The following ZFHX3 variants were observed in gnomAD, a reference collection of about 807,000 sequenced individuals.
The protein encoded by ZFHX3 is zinc finger homeobox 3.
In ZFHX3, 42 loss-of-function variants were observed where a neutral mutation model predicts 279.1. The observed-to-expected ratio is 0.15, with a 90% CI of 0.12 to 0.19. The LOEUF (loss-of-function observed/expected upper bound fraction) is 0.19, where lower values mean the gene tolerates loss of function less well. ZFHX3 is among the 10% of genes least tolerant of loss of function. The pLI, the probability that ZFHX3 is intolerant of heterozygous loss-of-function variation, is 1.00. For synonymous variants in ZFHX3, 2,293 were observed against 1,957.8 expected, an observed-to-expected ratio of 1.17 and a Z score of -4.52; for missense variants, 4,981 against 4,754.0, an observed-to-expected ratio of 1.05 and a Z score of -1.40.
chr16:73,864,536 T>G (rs949261202), intron 1 of ZFHX3, among the ~76,000 whole-genome samples: 2 of 152,124 alleles, frequency 1.3e-5, no homozygotes, highest in Admixed American at 6.5e-5. Context: ...CTGGACAACA[T>G]GGTGAAACCC....
chr16:73,654,666 C>T (rs2052704778), intron 2 of ZFHX3, among the ~76,000 whole-genome samples: 1 of 151,662 alleles, frequency 6.6e-6, no homozygotes, highest in Non-Finnish European at 1.5e-5. Context: ...GTAAATTAAA[C>T]ATGAGTAAAT....
At chr16:73,088,682 TA>T (rs1966038394) in intron 8 of ZFHX3, among the ~76,000 whole-genome samples, 1 of 152,092 alleles carries the variant, frequency 6.6e-6, no homozygotes, top group South Asian at 2.1e-4. Context: ...TGGATCCAGG[TA>T]ACTAAATGAG....
chr16:73,638,786 T>C (rs1390857344), intron 2 of ZFHX3, among the ~76,000 whole-genome samples: 2 of 152,298 alleles, frequency 1.3e-5, no homozygotes, highest in African/African-American at 2.4e-5. Flanking sequence ...ATTCAACAAA[T>C]GTTTGTTGAA....
chr16:73,398,472 T>A (rs995989374), intron 3 of ZFHX3, among the ~76,000 whole-genome samples: 3 of 152,222 alleles, frequency 2.0e-5, no homozygotes, highest in Non-Finnish European at 4.4e-5. Flanking sequence ...GGTGCCGGCC[T>A]GCACTGGCTC....
intron 2 of ZFHX3, among the ~76,000 whole-genome samples, chr16:73,616,538 C>T (rs754446249): frequency 3.2e-4 from 48 of 151,606 alleles, no homozygotes; most frequent in Non-Finnish European, 6.3e-4. Context: ...TAACTCACAC[C>T]TCACTAGTGG....
chr16:72,800,076 A>G lies in ZFHX3; in HGVS notation c.3918T>C (p.Val1306=), dbSNP rs752934612. 6.8e-6 allele frequency: 11 copies of G among 1,614,052 alleles called. No individual in the cohort carries two copies. In the Admixed American group the frequency reaches 1.7e-4, roughly 24 times the overall value. ...MPSSMFLPAA[V]PDRDGNSNLE... is the part of the protein sequence containing the mutation. ...AATTGGAATTCCCATCTCGATCTGG[A>G]ACAGCTGCTGGGAGGAACATGCTGC... The change falls in exon 8 of 10, where the codon GTT becomes GTC. Residue 1306 remains valine, a synonymous_variant. Transcript: ENST00000268489.
chr16:73,103,940 T>A (rs1966262031), intron 7 of ZFHX3, among the ~76,000 whole-genome samples: 1 of 152,222 alleles, frequency 6.6e-6, no homozygotes, highest in Admixed American at 6.5e-5. Flanking sequence ...TGACCAAAGT[T>A]CCAAACTAAC....
chr16:73,874,211 C>T (rs2029885992), intron 1 of ZFHX3, among the ~76,000 whole-genome samples: 1 of 152,018 alleles, frequency 6.6e-6, no homozygotes, highest in African/African-American at 2.4e-5. Flanking sequence ...ATATTATATA[C>T]ATACTGTGTG....
chr16:73,738,280 A>C (rs1437827815), intron 1 of ZFHX3, among the ~76,000 whole-genome samples: 1 of 152,194 alleles, frequency 6.6e-6, no homozygotes, highest in East Asian at 1.9e-4. Flanking sequence ...CTAGCTCCCA[A>C]CAACCTTGTG....
intron 3 of ZFHX3, among the ~76,000 whole-genome samples, chr16:73,363,690 G>A (rs780280683): frequency 1.6e-4 from 24 of 152,110 alleles, no homozygotes; most frequent in Non-Finnish European, 2.4e-4. Flanking sequence ...GAATTTTAAA[G>A]CATCTGTGAG....
intron 1 of ZFHX3, among the ~76,000 whole-genome samples, chr16:73,836,612 C>G (rs2142364080): frequency 6.6e-6 from 1 of 152,312 alleles, no homozygotes; most frequent in East Asian, 1.9e-4. Flanking sequence ...TGGCTTTAAT[C>G]AACGAAATAT....
rs962976069 is a variant in ZFHX3, at chr16:72,784,797, A to AATT, written c.*2364_*2366dup. On this transcript the variant is annotated 3_prime_UTR_variant, in exon 10 of 10. Transcript: ENST00000268489. ...TTTAGTATTTCTACTTAAAAAAAAC[A>AATT]ATTAAAAAAGGAATTTGCACTGTGC... 48 of 152,568 alleles carry AATT rather than the reference A, an allele frequency of 3.1e-4. No individual in the cohort carries two copies. Among genetic ancestry groups the AATT allele is most frequent in the African/African-American group, 1.2e-3 (48 of 41,484 alleles). 9.5% of individuals were successfully genotyped at this position (152,568 alleles called of 1,614,324 possible).
At chr16:73,682,888 A>AAGAGAAAGAAAGAAAGAGAGAAAG (rs1164488909) in intron 1 of ZFHX3, among the ~76,000 whole-genome samples, 1 of 27,528 alleles carries the variant, frequency 3.6e-5, no homozygotes, top group African/African-American at 1.1e-4. Flanking sequence ...GAAAGAAAGA[A>AAGAGAAAGAAAGAAAGAGAGAAAG]AGAAAGAAAG....
At chr16:73,539,140 T>G (rs2019963896) in intron 2 of ZFHX3, among the ~76,000 whole-genome samples, 4 of 152,020 alleles carry the variant, frequency 2.6e-5, no homozygotes, top group African/African-American at 7.2e-5. Context: ...TTTCTTTCTT[T>G]TTTTTTTGCC....
intron 3 of ZFHX3, among the ~76,000 whole-genome samples, chr16:72,937,101 C>T (rs1000998776): frequency 6.6e-6 from 1 of 152,152 alleles, no homozygotes; most frequent in African/African-American, 2.4e-5. Context: ...GTTCTGGTCA[C>T]AGAGTCCTTT....
intron 3 of ZFHX3, among the ~76,000 whole-genome samples, chr16:72,905,437 A>T (rs1388456293): frequency 1.3e-5 from 2 of 152,078 alleles, no homozygotes; most frequent in African/African-American, 4.8e-5. Context: ...TTTCTTCTAC[A>T]TCCCTAGCTA....
At chr16:72,917,428 T>C (rs1404345989) in intron 3 of ZFHX3, among the ~76,000 whole-genome samples, 1 of 152,250 alleles carries the variant, frequency 6.6e-6, no homozygotes, top group Non-Finnish European at 1.5e-5. Flanking sequence ...GAAAGAGCTA[T>C]TTTAATTTGT....
chr16:73,004,158 AC>A (rs1248335011), intron 1 of ZFHX3, among the ~76,000 whole-genome samples: 32 of 51,306 alleles, frequency 6.2e-4, no homozygotes, highest in African/African-American at 3.3e-3. Flanking sequence ...TAAAAACACG[AC>A]TTTTTTTTTT....
chr16:73,291,200 A>C (rs1420762089), intron 4 of ZFHX3, among the ~76,000 whole-genome samples: 1 of 152,102 alleles, frequency 6.6e-6, no homozygotes, highest in Non-Finnish European at 1.5e-5. Flanking sequence ...GCTTCCTGAC[A>C]ATCAAACCCC....
Sources: gnomAD v4.1 joint callset for allele counts (sites outside exome capture counted in the v4.1 genomes callset) on GRCh38, gnomAD v4.1.1 for gene constraint, MANE v1.5 for transcripts, NCBI Gene and HGNC (gene_info 2026-07-23, HGNC 2026-07-21) for gene names.